The following CA14 variants were observed in gnomAD, a reference collection of about 807,000 sequenced individuals.
CA14 encodes CA-XIV.
In CA14, 44 loss-of-function variants were observed where a neutral mutation model predicts 48.8. The observed-to-expected ratio is 0.90, with a 90% CI of 0.71 to 1.16. The LOEUF is 1.16. CA14 is among the 50% of genes most tolerant of loss of function. The probability of loss-of-function intolerance (pLI) is 0.00; values close to 1 mark genes in which losing one functional copy is unlikely to be tolerated. For missense variants in CA14, 386 were observed against 401.0 expected, an observed-to-expected ratio of 0.96 and a Z score of 0.32; for synonymous variants, 154 against 155.0, an observed-to-expected ratio of 0.99 and a Z score of 0.05.
Position 150,258,025 on chromosome 1 carries a change from T to TTG in CA14, c.-104_-103insTG, listed in dbSNP as rs1572057579. 2.8e-5 allele frequency: 21 copies of TTG among 744,030 alleles called. No homozygotes were observed. In the East Asian group the frequency reaches 5.7e-4, roughly 20 times the overall value. 46.1% of individuals were successfully genotyped at this position (744,030 alleles called of 1,614,324 possible). A position where few individuals can be genotyped will look rare whatever the true frequency, so the allele number is the denominator to read the frequency against. On this transcript the variant is annotated 5_prime_UTR_variant, in exon 1 of 11. Transcript: ENST00000369111. ...AAATACACTCACGCCAGGAGCTCGCTCGCTCTCTCTCTCTCTCTCTCACTC... is the reference window on the plus strand; with the variant it reads ...AAATACACTCACGCCAGGAGCTCGCTTGCGCTCTCTCTCTCTCTCTCTCACTC...
At position 150,260,147 on chromosome 1, in the gene CA14, G is replaced by A. The variant is rs200381190; in HGVS notation, c.56-4G>A. ...GCTGTAACCCAAACTATTCTGCCTT[G>A]CAGGTCAACACTGGACGTATGAGGG... On this transcript the variant is annotated splice_polypyrimidine_tract_variant and splice_region_variant and intron_variant, in intron 1 of 10. Transcript: ENST00000369111. 35 of 1,613,586 alleles carry A rather than the reference G, an allele frequency of 2.2e-5. No homozygotes were observed. Among genetic ancestry groups the A allele is most frequent in the East Asian group, 8.9e-5 (4 of 44,872 alleles).
chr1:150,261,856 G>A (rs587680913), intron 3 of CA14, among the ~76,000 whole-genome samples: 2 of 152,276 alleles, frequency 1.3e-5, no homozygotes, highest in East Asian at 1.9e-4. Flanking sequence ...CCTAACCTAC[G>A]AATTCTCAAA....
chr1:150,263,901 T>C (rs781795507), intron 10 of CA14, 23 bp downstream of exon 10: 7 of 1,256,912 alleles, frequency 5.6e-6, no homozygotes, highest in East Asian at 2.4e-5. Context: ...TTTCCATTCC[T>C]CCAGTCCCTT....
chr1:150,261,370 G>C, intron 2 of CA14, 89 bp from the exon 3 acceptor site: 1 of 1,158,058 alleles, frequency 8.6e-7, no homozygotes. Flanking sequence ...TGTATGGCTT[G>C]GTTAGGGGAA....
intron 9 of CA14, 41 bp downstream of exon 9, chr1:150,263,720 C>T: frequency 6.2e-7 from 1 of 1,613,390 alleles, no homozygotes; most frequent in Non-Finnish European, 8.5e-7. Context: ...GGGGAGGTGT[C>T]CTCACCGAGT....
At chr1:150,260,119 C>G (rs782133038) in intron 1 of CA14, 32 bp from the exon 2 acceptor site, 1 of 1,612,208 alleles carries the variant, frequency 6.2e-7, no homozygotes, top group South Asian at 1.1e-5. Flanking sequence ...CCAGGCTGCG[C>G]TGGCTGTAAC....
Position 150,263,811 on chromosome 1 carries a change from G to C in CA14, c.880G>C (p.Gly294Arg). The change falls in exon 10 of 11, where the codon GGT (glycine) becomes CGT (arginine). Residue 294 changes from glycine to arginine, a missense_variant. Physicochemically the swap from Gly to Arg is moderately radical, Grantham distance 125 (BLOSUM62 -2). Transcript: ENST00000369111. Reference protein sequence around the residue: ...SYTTGEMLSLGVGILVGCLCL... With the variant: ...SYTTGEMLSLRVGILVGCLCL... ...TCCCCCAGGTGAAATGCTGAGTCTA[G>C]GTGTAGGAATCTTGGTTGGCTGTCT... 6.2e-7 allele frequency: 1 copy of C among 1,614,046 alleles called. No individual in the cohort carries two copies. Among genetic ancestry groups the C allele is most frequent in the Non-Finnish European group, 8.5e-7 (1 of 1,179,966 alleles).
chr1:150,264,130 T>C (rs1362452799), intron 10 of CA14, among the ~76,000 whole-genome samples: 4 of 152,106 alleles, frequency 2.6e-5, no homozygotes, highest in African/African-American at 9.7e-5. Flanking sequence ...TTCACCATAT[T>C]GGCCAGGCTG....
At chr1:150,258,424 C>G (rs1553847196) in intron 1 of CA14, among the ~76,000 whole-genome samples, 11 of 151,994 alleles carry the variant, frequency 7.2e-5, no homozygotes. Context: ...AGTGTGTACA[C>G]ATGCAAGTGC....
In CA14 at chr1:150,264,072, C is replaced by A. The variant is rs60456922; in HGVS notation, c.947+194C>A. Among the ~76,000 whole-genome samples the A allele has an allele frequency of 2.6e-5, 4 of 151,444 alleles. No individual in the cohort carries two copies. The East Asian group carries it at 7.8e-4, about 29-fold the overall frequency. On this transcript the variant is annotated intron_variant, in intron 10 of 10. Transcript: ENST00000369111. ...TCCCGAGTAGCTGGGACTACAGGCA[C>A]GCACCATCACACCCAGCTAATTTTT...
chr1:150,263,970 C>A, intron 10 of CA14, 92 bp downstream of exon 10: 2 of 902,814 alleles, frequency 2.2e-6, no homozygotes, highest in South Asian at 1.6e-5. Context: ...GTTACTCAGT[C>A]TGGAGTGCAG....
chr1:150,260,117 C>T (rs374048436), intron 1 of CA14, 34 bp from the exon 2 acceptor site: 2 of 1,611,772 alleles, frequency 1.2e-6, no homozygotes, highest in African/African-American at 1.3e-5. Flanking sequence ...CCCCAGGCTG[C>T]GCTGGCTGTA....
chr1:150,261,691 C>G lies in CA14; in HGVS notation c.256+53C>G, dbSNP rs138736736. On this transcript the variant is annotated intron_variant, in intron 3 of 10. Coordinates refer to ENST00000369111, the MANE Select transcript of CA14 (RefSeq NM_012113.3). ...AGGCTCCAGCTCAGATCTTAGGAGT[C>G]AGATCCTTTTGTAGTTCATGGGCAT... 11,456 of 1,539,012 alleles carry G rather than the reference C, an allele frequency of 7.4e-3. 87 individuals carry two copies. The highest frequency in any genetic ancestry group is 0.02 in the Middle Eastern group (116 of 5,796).
In CA14 at chr1:150,263,293, C is replaced by A. The variant is rs373055861; in HGVS notation, c.721-6C>A. The A allele has an allele frequency of 1.2e-6, 2 of 1,614,188 alleles. No individual in the cohort carries two copies. Among genetic ancestry groups the A allele is most frequent in the African/African-American group, 1.3e-5 (1 of 75,064 alleles). The stretch of plus-strand genomic sequence containing the variant: ...GTAACACCTCTCCCACGCTTCTGCT[C>A]CTCAGCTGGAAAAGCTTCAGGGGAC... On this transcript the variant is annotated splice_polypyrimidine_tract_variant and splice_region_variant and intron_variant, in intron 7 of 10. Transcript: ENST00000369111.
chr1:150,263,238 G>T (rs1210606890), intron 7 of CA14, 39 bp downstream of exon 7: 3 of 1,613,614 alleles, frequency 1.9e-6, no homozygotes, highest in Non-Finnish European at 2.5e-6. Context: ...AGACACAGTT[G>T]TAACTTCAGA....
chr1:150,264,620 T>A lies in CA14; in HGVS notation c.975T>A (p.Ser325Arg). The change falls in exon 11 of 11, where the codon AGT becomes AGA. Residue 325 changes from serine to arginine, a missense_variant. Ser to Arg is a moderately radical substitution (Grantham distance 110). Coordinates refer to ENST00000369111, the MANE Select transcript of CA14 (RefSeq NM_012113.3). ...AGAAGAGGCTGGAAAACCGAAAGAG[T>A]GTGGTCTTCACCTCAGCACAAGCCA... ...IRKKRLENRKSVVFTSAQATT... is the reference protein window; with the variant it reads ...IRKKRLENRKRVVFTSAQATT... 1 of 1,612,534 alleles carries A rather than the reference T, an allele frequency of 6.2e-7. No individual in the cohort carries two copies. The highest frequency in any genetic ancestry group is 8.5e-7 in the Non-Finnish European group (1 of 1,178,902).
chr1:150,262,620 G>C lies in CA14; in HGVS notation c.495G>C (p.Glu165Asp). ...QGLAVLGILI[E>D]VGETKNIAYE... is the part of the protein sequence containing the mutation. ...TGGCTGTCCTGGGCATCCTAATTGA[G>C]GTCAGTAGCCCCCAGTCCCTTCCAG... The change falls in exon 5 of 11, where the codon GAG becomes GAC. Residue 165 changes from glutamate (E) to aspartate (D), a missense_variant and splice_region_variant. By Grantham distance (45) the Glu-to-Asp change is conservative. Coordinates refer to ENST00000369111, the MANE Select transcript of CA14 (RefSeq NM_012113.3). 2 of 1,609,684 alleles carry C rather than the reference G, an allele frequency of 1.2e-6. No individual in the cohort carries two copies. Among genetic ancestry groups the C allele is most frequent in the Non-Finnish European group, 1.7e-6 (2 of 1,176,002 alleles).
chr1:150,260,011 T>C (rs1650860637), intron 1 of CA14, 140 bp from the exon 2 acceptor site: 2 of 801,584 alleles, frequency 2.5e-6, no homozygotes. Context: ...GGGCTTCCTT[T>C]GCAAAGTGCT....
intron 4 of CA14, 29 bp downstream of exon 4, chr1:150,262,329 G>A: frequency 1.3e-6 from 2 of 1,578,138 alleles, no homozygotes; most frequent in Middle Eastern, 3.4e-4. Flanking sequence ...CTGGGACTCA[G>A]ACAAAGTAAC....
Sources: gnomAD v4.1 joint callset for allele counts (sites outside exome capture counted in the v4.1 genomes callset) on GRCh38, gnomAD v4.1.1 for gene constraint, MANE v1.5 for transcripts, NCBI Gene and HGNC (gene_info 2026-07-23, HGNC 2026-07-21) for gene names.